FHIT: variants seen among roughly 807,000 people sequenced by gnomAD.
FHIT encodes the protein bis(5'-adenosyl)-triphosphatase.
A neutral mutation model predicts 17.9 loss-of-function variants in FHIT; 19 were observed. The observed-to-expected ratio is 1.06, with a 90% CI of 0.74 to 1.56. FHIT has a LOEUF of 1.56. Ranked by LOEUF, FHIT falls within the 40% of genes most tolerant of loss-of-function variation. The pLI is 0.00. For synonymous variants in FHIT, 81 were observed against 69.7 expected (o/e 1.16, Z -0.81); for missense variants, 248 against 189.2 (o/e 1.31, Z -1.82).
At chr3:60,227,390 T>A (rs1272858981) in intron 5 of FHIT, among the ~76,000 whole-genome samples, 1 of 152,186 alleles carries the variant, frequency 6.6e-6, no homozygotes, top group Non-Finnish European at 1.5e-5. Context: ...ATATTTTCAT[T>A]ACCCAAGTCA....
At chr3:60,477,684 T>A (rs1223670366) in intron 5 of FHIT, among the ~76,000 whole-genome samples, 2 of 152,220 alleles carry the variant, frequency 1.3e-5, no homozygotes, top group Non-Finnish European at 1.5e-5. Context: ...TATATACATA[T>A]GTAAACAATC....
intron 5 of FHIT, among the ~76,000 whole-genome samples, chr3:60,293,592 G>C (rs1434628225): frequency 6.6e-6 from 1 of 152,138 alleles, no homozygotes; most frequent in Admixed American, 6.6e-5. Flanking sequence ...ATAGGGCATA[G>C]GGAAAGAGCC....
At chr3:60,793,319 T>C (rs1191403276) in intron 4 of FHIT, among the ~76,000 whole-genome samples, 1 of 151,988 alleles carries the variant, frequency 6.6e-6, no homozygotes, top group African/African-American at 2.4e-5. Flanking sequence ...TTTTTTTTTT[T>C]GAGACAGAGT....
intron 3 of FHIT, among the ~76,000 whole-genome samples, chr3:60,882,833 T>C (rs1473079861): frequency 6.6e-6 from 1 of 152,092 alleles, no homozygotes; most frequent in Non-Finnish European, 1.5e-5. Flanking sequence ...CCCACCACTG[T>C]TATTCAACAT....
At chr3:59,772,312 T>C (rs1313686313) in intron 8 of FHIT, among the ~76,000 whole-genome samples, 2 of 152,226 alleles carry the variant, frequency 1.3e-5, no homozygotes, top group Admixed American at 6.5e-5. Context: ...CCCACGCTAT[T>C]AGGCAGAAAT....
At chr3:60,512,249 A>G (rs2034978917) in intron 5 of FHIT, among the ~76,000 whole-genome samples, 1 of 152,168 alleles carries the variant, frequency 6.6e-6, no homozygotes. Context: ...CCTGAATCAG[A>G]TTAAAGTCTA....
chr3:60,031,376 C>A (rs1700993568), intron 5 of FHIT, among the ~76,000 whole-genome samples: 1 of 152,194 alleles, frequency 6.6e-6, no homozygotes, highest in Non-Finnish European at 1.5e-5. Context: ...TTGACTATAG[C>A]ATTGCAAAGG....
intron 5 of FHIT, among the ~76,000 whole-genome samples, chr3:60,502,112 G>A (rs868005846): frequency 6.6e-6 from 1 of 152,286 alleles, no homozygotes. Flanking sequence ...GAGGCAGGAA[G>A]TACAAAAAGT....
chr3:60,570,690 G>T lies in FHIT; in HGVS notation c.-17-33711C>A, dbSNP rs1459911068. Among the ~76,000 whole-genome samples, 4 of 145,046 alleles carry T rather than the reference G, an allele frequency of 2.8e-5. No homozygotes were observed. The Admixed American group carries it at 2.8e-4, about 10-fold the overall frequency. On this transcript the variant is annotated intron_variant, in intron 4 of 9. Coordinates refer to ENST00000492590, the MANE Select transcript of FHIT (RefSeq NM_002012.4). Reference sequence around the variant, plus strand: ...TCAGAAGTTGGTCACCTTCACCAGGGCAAGAGTTCTTTGAAGGCAGAAACA... The same window carrying T: ...TCAGAAGTTGGTCACCTTCACCAGGTCAAGAGTTCTTTGAAGGCAGAAACA...
chr3:60,325,081 C>T (rs1709627005), intron 5 of FHIT, among the ~76,000 whole-genome samples: 1 of 148,434 alleles, frequency 6.7e-6, no homozygotes, highest in East Asian at 1.9e-4. Context: ...GTCAACACTT[C>T]ACAGCAAAAA....
At chr3:60,975,006 G>A (rs561643215) in intron 3 of FHIT, among the ~76,000 whole-genome samples, 5 of 152,074 alleles carry the variant, frequency 3.3e-5, no homozygotes, top group Admixed American at 6.6e-5. Flanking sequence ...TTCTGTCTTC[G>A]GCTTTGGCTT....
chr3:60,557,404 A>C (rs1216786390), intron 4 of FHIT, among the ~76,000 whole-genome samples: 1 of 144,972 alleles, frequency 6.9e-6, no homozygotes, highest in East Asian at 2.0e-4. Flanking sequence ...CAGGAAGAAC[A>C]AAAAAAAAAA....
intron 5 of FHIT, among the ~76,000 whole-genome samples, chr3:60,190,029 C>G (rs1486315938): frequency 1.3e-5 from 2 of 152,170 alleles, no homozygotes; most frequent in Non-Finnish European, 2.9e-5. Flanking sequence ...TTCCATTCAG[C>G]TTTGAAACAT....
At chr3:61,146,735 A>G (rs1440639351) in intron 2 of FHIT, among the ~76,000 whole-genome samples, 1 of 152,062 alleles carries the variant, frequency 6.6e-6, no homozygotes, top group East Asian at 1.9e-4. Flanking sequence ...TATTGCTGCC[A>G]GCAGTTCCAT....
chr3:59,958,036 G>A (rs1201626596), intron 7 of FHIT, among the ~76,000 whole-genome samples: 1 of 152,172 alleles, frequency 6.6e-6, no homozygotes, highest in Non-Finnish European at 1.5e-5. Context: ...TTCCACTGAA[G>A]GTGACCATAC....
At chr3:60,459,860 G>A (rs2032346509) in intron 5 of FHIT, among the ~76,000 whole-genome samples, 3 of 152,120 alleles carry the variant, frequency 2.0e-5, no homozygotes, top group African/African-American at 7.2e-5. Flanking sequence ...TTTCAGAAAT[G>A]TTCAAATATA....
At chr3:61,010,870 G>C (rs889736579) in intron 3 of FHIT, among the ~76,000 whole-genome samples, 1 of 152,144 alleles carries the variant, frequency 6.6e-6, no homozygotes, top group African/African-American at 2.4e-5. Flanking sequence ...GAAAGTAAGA[G>C]TCAGAAAAAA....
intron 4 of FHIT, among the ~76,000 whole-genome samples, chr3:60,580,980 G>A (rs1393199411): frequency 6.6e-6 from 1 of 152,084 alleles, no homozygotes; most frequent in Non-Finnish European, 1.5e-5. Flanking sequence ...TTCTGATTAA[G>A]TCTGGGGCGG....
At chr3:59,909,726 A>C (rs1311227530) in intron 8 of FHIT, among the ~76,000 whole-genome samples, 2 of 152,132 alleles carry the variant, frequency 1.3e-5, no homozygotes, top group Admixed American at 6.5e-5. Context: ...ACTAAAGTCA[A>C]TTTTTTTCAC....
Sources: gnomAD v4.1 joint callset for allele counts (sites outside exome capture counted in the v4.1 genomes callset) on GRCh38, gnomAD v4.1.1 for gene constraint, MANE v1.5 for transcripts, NCBI Gene and HGNC (gene_info 2026-07-23, HGNC 2026-07-21) for gene names.